The following SAMD12 variants were observed in gnomAD, a reference collection of about 807,000 sequenced individuals.
The protein encoded by SAMD12 is sterile alpha motif domain containing 12, also known as sterile alpha motif domain-containing protein 12.
In SAMD12, 9 loss-of-function variants were observed where a neutral mutation model predicts 15.0. The ratio of observed to expected loss-of-function variants is 0.60; its 90% confidence interval spans 0.36 to 1.05. The LOEUF is 1.05. SAMD12 is among the 50% of genes least tolerant of loss of function. The pLI is 0.01. For synonymous variants in SAMD12, 86 were observed against 90.1 expected (o/e 0.96, Z 0.25); for missense variants, 230 against 234.2 (o/e 0.98, Z 0.12).
intron 2 of SAMD12, among the ~76,000 whole-genome samples, chr8:118,559,636 G>A (rs901279580): frequency 6.6e-6 from 1 of 152,156 alleles, no homozygotes; most frequent in African/African-American, 2.4e-5. Flanking sequence ...CATGCACTTG[G>A]AACAGCACCT....
intron 2 of SAMD12, among the ~76,000 whole-genome samples, chr8:118,530,452 T>C (rs1408212641): frequency 4.6e-5 from 7 of 152,222 alleles, no homozygotes; most frequent in Non-Finnish European, 1.0e-4. Flanking sequence ...CTCCCACTGA[T>C]AAGTGAGAAC....
chr8:118,588,966 T>C (rs1827515513), intron 1 of SAMD12, among the ~76,000 whole-genome samples: 1 of 152,240 alleles, frequency 6.6e-6, no homozygotes, highest in Non-Finnish European at 1.5e-5. Flanking sequence ...TTAAAATTTC[T>C]ATAGAGGTCT....
intron 3 of SAMD12, among the ~76,000 whole-genome samples, chr8:118,392,425 G>A (rs902272120): frequency 2.6e-5 from 4 of 152,156 alleles, no homozygotes; most frequent in East Asian, 1.9e-4. Flanking sequence ...ACGAGACTCC[G>A]TCTCAAGACA....
At chr8:118,161,207 G>A in the SAMD12 span, among the ~76,000 whole-genome samples, 1 of 152,132 alleles carries the variant, frequency 6.6e-6, no homozygotes, top group Non-Finnish European at 1.5e-5. Context: ...TGGACATTTA[G>A]GTTGGTTCAA....
Position 118,543,154 on chromosome 8 carries a change from C to T in SAMD12, c.192+37561G>A, listed in dbSNP as rs945797169. Among the ~76,000 whole-genome samples, 83 of 152,148 alleles carry T rather than the reference C, an allele frequency of 5.5e-4. 1 individual carries two copies. The highest frequency in any genetic ancestry group is 2.0e-3 in the African/African-American group (82 of 41,414). ...TTCTAAGAGGATGGGAGGAAATCGA[C>T]CCTTGAAAGGTCTGTTCCACGCCCA... On this transcript the variant is annotated intron_variant, in intron 2 of 3. Transcript: ENST00000314727.
intron 4 of SAMD12, among the ~76,000 whole-genome samples, chr8:118,340,105 G>A (rs1246449924): frequency 6.6e-6 from 1 of 152,220 alleles, no homozygotes; most frequent in Non-Finnish European, 1.5e-5. Flanking sequence ...ATAAGGCACA[G>A]GCTTCAACAA....
At chr8:118,285,102 C>CA (rs1554622408) in intron 4 of SAMD12, 12 of 149,742 alleles carry the variant, frequency 8.0e-5, no homozygotes, top group Non-Finnish European at 1.8e-4. Context: ...CCCCATTCAA[C>CA]TTTTTTTTTT....
chr8:118,216,176 A>T lies in SAMD12; in HGVS notation c.434-18444T>A, dbSNP rs574845788. Reference sequence around the variant, plus strand: ...GCCATTCTAACTGGTGTGAGATGGTATCTCATTGTGGTTTTGATTTGCATT... The same window carrying T: ...GCCATTCTAACTGGTGTGAGATGGTTTCTCATTGTGGTTTTGATTTGCATT... On this transcript the variant is annotated intron_variant, in intron 4 of 4. Coordinates refer to the SAMD12 transcript ENST00000409003. 2.4e-3 allele frequency among the ~76,000 whole-genome samples: 353 copies of T among 149,654 alleles called. 2 individuals carry two copies. The highest frequency in any genetic ancestry group is 8.2e-3 in the African/African-American group (337 of 41,028).
chr8:118,213,667 AC>A (rs1811891920), intron 4 of SAMD12, among the ~76,000 whole-genome samples: 1 of 152,122 alleles, frequency 6.6e-6, no homozygotes, highest in Non-Finnish European at 1.5e-5. Context: ...AAAATTCACT[AC>A]CCTGTTAATT....
At chr8:118,379,997 A>G (rs1428555022) in intron 3 of SAMD12, among the ~76,000 whole-genome samples, 2 of 152,142 alleles carry the variant, frequency 1.3e-5, no homozygotes, top group Admixed American at 6.5e-5. Flanking sequence ...GAAAACCTTA[A>G]CCTGGATATT....
At chr8:118,560,659 T>G (rs1184882892) in intron 2 of SAMD12, among the ~76,000 whole-genome samples, 1 of 152,200 alleles carries the variant, frequency 6.6e-6, no homozygotes, top group Non-Finnish European at 1.5e-5. Context: ...ATACCTTATT[T>G]TTTTTTCTTT....
chr8:118,496,736 A>T (rs557123324), intron 2 of SAMD12, among the ~76,000 whole-genome samples: 51 of 152,268 alleles, frequency 3.3e-4, no homozygotes, highest in African/African-American at 1.1e-3. Flanking sequence ...CTAATTAAAG[A>T]TCTTCTGCAC....
intron 4 of SAMD12, among the ~76,000 whole-genome samples, chr8:118,261,633 ATTT>A (rs11432849): frequency 7.0e-6 from 1 of 143,716 alleles, no homozygotes. Flanking sequence ...AAAACACATG[ATTT>A]TTTTTTTTTT....
At chr8:118,402,652 A>G (rs1820923610) in intron 3 of SAMD12, among the ~76,000 whole-genome samples, 2 of 152,200 alleles carry the variant, frequency 1.3e-5, no homozygotes, top group Admixed American at 1.3e-4. Flanking sequence ...AGTTAAGAGC[A>G]ATGGGCAGCC....
In SAMD12 at chr8:118,557,078, T is replaced by C. The variant is rs148745497; in HGVS notation, c.192+23637A>G. On this transcript the variant is annotated intron_variant, in intron 2 of 3. Coordinates refer to ENST00000314727, the MANE Select transcript of SAMD12 (RefSeq NM_207506.3). ...GAGTGAGGGAATGATATGGCTTGGCTCTACATCCCCACCCAAATCTCATCT... is the reference window on the plus strand; with the variant it reads ...GAGTGAGGGAATGATATGGCTTGGCCCTACATCCCCACCCAAATCTCATCT... 3.2e-3 allele frequency among the ~76,000 whole-genome samples: 493 copies of C among 152,310 alleles called. 4 individuals are homozygous for C. Among genetic ancestry groups the C allele is most frequent in the African/African-American group, 0.011 (470 of 41,578 alleles).
At chr8:118,238,717 A>G (rs1254813986) in intron 4 of SAMD12, among the ~76,000 whole-genome samples, 3 of 152,188 alleles carry the variant, frequency 2.0e-5, no homozygotes, top group Non-Finnish European at 4.4e-5. Context: ...TCTTTACAAT[A>G]GCCTTATCAG....
intron 2 of SAMD12, among the ~76,000 whole-genome samples, chr8:118,458,243 C>T (rs1823316920): frequency 6.6e-6 from 1 of 152,130 alleles, no homozygotes; most frequent in African/African-American, 2.4e-5. Context: ...AATAAGCTTC[C>T]CTTTTCATTT....
intron 4 of SAMD12, among the ~76,000 whole-genome samples, chr8:118,228,591 C>T (rs1185387132): frequency 6.6e-6 from 1 of 151,620 alleles, no homozygotes; most frequent in African/African-American, 2.4e-5. Flanking sequence ...AATGCAATAC[C>T]ACCTTACTCT....
At position 118,569,960 on chromosome 8, in the gene SAMD12, C is replaced by T. The variant is rs1699342409; in HGVS notation, c.192+10755G>A. Among the ~76,000 whole-genome samples, 3 of 152,194 alleles carry T rather than the reference C, an allele frequency of 2.0e-5. 1 individual carries two copies. In the South Asian group the frequency reaches 6.2e-4, roughly 31 times the overall value. ...TAATATTTCAGGTTTTACTTGGCAC[C>T]TGGTGATCCAATTTTTCAGTTTAAG... On this transcript the variant is annotated intron_variant, in intron 2 of 3. Coordinates refer to ENST00000314727, the MANE Select transcript of SAMD12 (RefSeq NM_207506.3).
Sources: gnomAD v4.1 joint callset for allele counts (sites outside exome capture counted in the v4.1 genomes callset) on GRCh38, gnomAD v4.1.1 for gene constraint, MANE v1.5 for transcripts, NCBI Gene and HGNC (gene_info 2026-07-23, HGNC 2026-07-21) for gene names.